Variants in ATG5 observed in about 807,000 individuals in gnomAD.
ATG5 encodes the protein autophagy related 5.
Under a neutral mutation model 36.5 loss-of-function variants are expected in ATG5, and 14 were observed. The ratio of observed to expected loss-of-function variants is 0.38; its 90% CI spans 0.25 to 0.60. ATG5 has a LOEUF of 0.60. ATG5 is among the 20% of genes least tolerant of loss of function. ATG5 has a pLI of 0.60. For synonymous variants in ATG5, 95 were observed against 101.5 expected, an observed-to-expected ratio of 0.94 and a Z score of 0.38; for missense variants, 195 against 326.7, an observed-to-expected ratio of 0.60 and a Z score of 3.11.
At chr6:106,222,373 C>A (rs1390846677) in intron 6 of ATG5, among the ~76,000 whole-genome samples, 1 of 152,192 alleles carries the variant, frequency 6.6e-6, no homozygotes, top group African/African-American at 2.4e-5. Context: ...TTTGAGACTT[C>A]ATGTTTTAAT....
At chr6:106,297,459 T>C (rs1346692640) in intron 3 of ATG5, among the ~76,000 whole-genome samples, 1 of 152,084 alleles carries the variant, frequency 6.6e-6, no homozygotes, top group African/African-American at 2.4e-5. Flanking sequence ...TCTTCAAGTA[T>C]TATTAACACT....
intron 2 of ATG5, 33 bp from the exon 3 acceptor site, chr6:106,308,524 T>A: frequency 6.9e-7 from 1 of 1,442,528 alleles, no homozygotes; most frequent in African/African-American, 1.5e-5. Flanking sequence ...CGTATTTATT[T>A]ACTAGTTATT....
At chr6:106,201,253 T>G (rs1427309832) in intron 7 of ATG5, among the ~76,000 whole-genome samples, 2 of 148,058 alleles carry the variant, frequency 1.4e-5, no homozygotes, top group African/African-American at 5.1e-5. Flanking sequence ...CACATATGTA[T>G]ATCTCAAGTA....
At chr6:106,217,702 T>A (rs956676112) in intron 6 of ATG5, 3 of 152,222 alleles carry the variant, frequency 2.0e-5, no homozygotes, top group African/African-American at 7.2e-5. Context: ...TAAATCCAGG[T>A]CAGAGTTTAT....
intron 6 of ATG5, among the ~76,000 whole-genome samples, chr6:106,229,089 G>A (rs1055396132): frequency 2.6e-5 from 4 of 152,226 alleles, no homozygotes; most frequent in African/African-American, 9.6e-5. Flanking sequence ...TGAAAGTGTA[G>A]CCCCAAAATT....
At position 106,279,791 on chromosome 6, in the gene ATG5, T is replaced by C. The variant is rs1388015008; in HGVS notation, c.348A>G (p.Pro116=). ...SFPEKDLLHC[P]SKDAIEAHFM... is the part of the protein sequence containing the mutation. ...AATGAGCTTCAATTGCATCCTTAGA[T>C]GGACAGTGCAGAAGGTCTTTTTCTG... The change falls in exon 5 of 8, where the codon CCA becomes CCG. Residue 116 remains proline (P), a synonymous_variant. Coordinates refer to ENST00000369076, the MANE Select transcript of ATG5 (RefSeq NM_004849.4). The C allele has an allele frequency of 5.6e-6, 9 of 1,600,486 alleles. No homozygotes were observed. The highest frequency in any genetic ancestry group is 7.7e-6 in the Non-Finnish European group (9 of 1,173,288).
chr6:106,325,402 T>A (rs1194453381), intron 1 of ATG5, 124 bp downstream of exon 1: 2 of 152,492 alleles, frequency 1.3e-5, no homozygotes, highest in East Asian at 3.7e-4. Flanking sequence ...TCACCCGCCA[T>A]CGCGGCCGGG....
At position 106,201,991 on chromosome 6, in the gene ATG5, A is replaced by G. The variant is rs776478438; in HGVS notation, c.672T>C (p.Pro224=). Residue 224 remains proline (P), a synonymous_variant, in exon 7 of 8, where the codon CCT becomes CCC. Coordinates refer to ENST00000369076, the MANE Select transcript of ATG5 (RefSeq NM_004849.4). ...TATTACCTTCAGGATCAATAGCAGA[A>G]GGACAAACTTCTTTGAGGAGATCTC... ...TLGDLLKEVC[P]SAIDPEDGEK... 2 of 1,611,498 alleles carry G rather than the reference A, an allele frequency of 1.2e-6. No homozygotes were observed. The highest frequency in any genetic ancestry group is 1.3e-5 in the African/African-American group (1 of 75,006).
intron 6 of ATG5, among the ~76,000 whole-genome samples, chr6:106,241,735 T>C (rs1286352491): frequency 6.6e-6 from 1 of 152,146 alleles, no homozygotes; most frequent in Non-Finnish European, 1.5e-5. Flanking sequence ...TGACCTCCCT[T>C]GAGCAAGAAA....
At chr6:106,195,808 TAAAAA>T (rs35892579) in intron 7 of ATG5, among the ~76,000 whole-genome samples, 22 of 91,362 alleles carry the variant, frequency 2.4e-4, no homozygotes, top group African/African-American at 8.8e-4. Flanking sequence ...TGCTCCCCTC[TAAAAA>T]AAAAAAAAAA....
At chr6:106,261,042 C>T (rs2114550786) in intron 5 of ATG5, among the ~76,000 whole-genome samples, 1 of 152,248 alleles carries the variant, frequency 6.6e-6, no homozygotes, top group Admixed American at 6.5e-5. Context: ...TGTATCTAGC[C>T]ATCCATACCC....
Position 106,185,141 on chromosome 6 carries a change from T to C in ATG5, c.*1399A>G, listed in dbSNP as rs1775719380. ...CAGAATATCTGGTCTTTGACCAACT[T>C]TATCTAATTTTGTGAAGAAATGTGC... On this transcript the variant is annotated 3_prime_UTR_variant, in exon 8 of 8. Transcript: ENST00000369076. 1 of 152,748 alleles carries C rather than the reference T, an allele frequency of 6.5e-6. No individual in the cohort carries two copies. The allele number at this position is 152,748 out of a possible 1,614,324, so 9.5% of individuals were successfully genotyped here.
At chr6:106,189,174 C>T (rs767718050) in intron 7 of ATG5, among the ~76,000 whole-genome samples, 14 of 152,254 alleles carry the variant, frequency 9.2e-5, no homozygotes, top group South Asian at 2.1e-4. Context: ...TAACTCTACC[C>T]GTAAAGACTG....
chr6:106,224,320 A>T (rs1777362463), intron 6 of ATG5, among the ~76,000 whole-genome samples: 1 of 152,256 alleles, frequency 6.6e-6, no homozygotes, highest in Non-Finnish European at 1.5e-5. Context: ...AAAATAGTTC[A>T]TCTAGAAGAT....
intron 6 of ATG5, among the ~76,000 whole-genome samples, chr6:106,211,399 G>C (rs1776846128): frequency 6.6e-6 from 1 of 152,162 alleles, no homozygotes; most frequent in Admixed American, 6.5e-5. Flanking sequence ...ATGACAAGGG[G>C]CTCAAGTTTA....
At chr6:106,293,193 C>T in intron 3 of ATG5, 87 bp from the exon 4 acceptor site, 1 of 1,028,270 alleles carries the variant, frequency 9.7e-7, no homozygotes, top group Non-Finnish European at 1.5e-6. Flanking sequence ...CATATTTTAA[C>T]ACCAAATGTC....
chr6:106,209,362 C>T (rs1262850160), intron 6 of ATG5, among the ~76,000 whole-genome samples: 1 of 152,124 alleles, frequency 6.6e-6, no homozygotes, highest in Non-Finnish European at 1.5e-5. Context: ...AAGGAACAAA[C>T]TACTGGTATA....
At chr6:106,316,622 A>C (rs1429309910) in intron 1 of ATG5, among the ~76,000 whole-genome samples, 1 of 152,188 alleles carries the variant, frequency 6.6e-6, no homozygotes, top group Non-Finnish European at 1.5e-5. Flanking sequence ...GTGAATCCTG[A>C]CAGTCCAACT....
intron 1 of ATG5, among the ~76,000 whole-genome samples, chr6:106,316,888 G>A (rs984660816): frequency 6.6e-6 from 1 of 151,940 alleles, no homozygotes; most frequent in African/African-American, 2.4e-5. Context: ...GTGGCCCCCT[G>A]AACACCTTTC....
Sources: allele counts gnomAD v4.1 joint callset (sites outside exome capture counted in the v4.1 genomes callset), GRCh38; gene constraint gnomAD v4.1.1; transcripts MANE v1.5; gene names NCBI Gene and HGNC (gene_info 2026-07-23, HGNC 2026-07-21).